Variants in SUPT5H observed in about 807,000 individuals in gnomAD.
The protein encoded by SUPT5H is SPT5 homolog, DSIF elongation factor subunit.
A neutral mutation model predicts 142.5 loss-of-function variants in SUPT5H; 24 were observed. The ratio of observed to expected loss-of-function variants is 0.17; its 90% confidence interval spans 0.12 to 0.24. The LOEUF is 0.24. Among genes scored for constraint, SUPT5H ranks in the 10% least tolerant of loss-of-function variants. The pLI is 1.00. For synonymous variants in SUPT5H, 546 were observed against 553.0 expected, an observed-to-expected ratio of 0.99 and a Z score of 0.18; for missense variants, 893 against 1,471.8, an observed-to-expected ratio of 0.61 and a Z score of 6.43.
chr19:39,449,776 A>C (rs2078997863), intron 2 of SUPT5H, among the ~76,000 whole-genome samples: 1 of 151,090 alleles, frequency 6.6e-6, no homozygotes, highest in African/African-American at 2.4e-5. Context: ...AGTAGCTGGG[A>C]TTACAGCGGT....
chr19:39,475,980 T>G, intron 28 of SUPT5H, 101 bp from the exon 29 acceptor site: 7 of 1,126,712 alleles, frequency 6.2e-6, no homozygotes, highest in South Asian at 1.5e-5. Flanking sequence ...CATTTCACCT[T>G]GAGTTCTCAG....
rs1351683829 is a variant in SUPT5H, at chr19:39,471,214, GCC to G, written c.1678-140_1678-139del. 8.0e-6 allele frequency: 8 copies of G among 993,992 alleles called. No homozygotes were observed. The East Asian group carries it at 2.1e-4, about 26-fold the overall frequency. The allele number at this position is 993,992 out of a possible 1,614,324, so 61.6% of individuals were successfully genotyped here. ...CTAAAGGGTGGCACTCTGCCTGCCT[GCC>G]CCGCAGCCAGGGAATTGAGATGCCT... On this transcript the variant is annotated intron_variant, in intron 18 of 29. Coordinates refer to ENST00000432763, the MANE Select transcript of SUPT5H (RefSeq NM_001111020.3).
chr19:39,445,629 G>C lies in SUPT5H; in HGVS notation c.-96G>C. 6 of 480,044 alleles carry C rather than the reference G, an allele frequency of 1.2e-5. 1 individual carries two copies. The South Asian group carries it at 1.7e-4, about 13-fold the overall frequency. The allele number at this position is 480,044 out of a possible 1,614,324, so 29.7% of individuals were successfully genotyped here. Reference sequence around the variant, plus strand: ...AGCTGGTACCGAAGGCGGAGGTGGAGCCCGAGAGGTAAGTGCGTGTGCAGA... The same window carrying C: ...AGCTGGTACCGAAGGCGGAGGTGGACCCCGAGAGGTAAGTGCGTGTGCAGA... On this transcript the variant is annotated 5_prime_UTR_variant, in exon 1 of 30. Coordinates refer to ENST00000432763, the MANE Select transcript of SUPT5H (RefSeq NM_001111020.3).
At chr19:39,452,053 T>G (rs1040987281) in intron 2 of SUPT5H, among the ~76,000 whole-genome samples, 3 of 152,090 alleles carry the variant, frequency 2.0e-5, no homozygotes, top group African/African-American at 7.2e-5. Context: ...TGGCCTAGGC[T>G]CAGATATATG....
intron 2 of SUPT5H, among the ~76,000 whole-genome samples, chr19:39,450,837 A>AGTT: frequency 6.6e-6 from 1 of 152,174 alleles, no homozygotes; most frequent in African/African-American, 2.4e-5. Context: ...TGTGTCTTGA[A>AGTT]CGCCTCTGGG....
Position 39,469,270 on chromosome 19 carries a change from C to T in SUPT5H, c.1246C>T (p.Arg416Trp), listed in dbSNP as rs370618161. 5.6e-6 allele frequency: 9 copies of T among 1,614,008 alleles called. No individual in the cohort carries two copies. Among genetic ancestry groups the T allele is most frequent in the African/African-American group, 1.3e-5 (1 of 74,906 alleles). Reference sequence around the variant, plus strand: ...TACGACTGCCCCTGCAGGGAAGGAGCGGGAGCACAACTTCCAACCTGGGGA... The same window carrying T: ...TACGACTGCCCCTGCAGGGAAGGAGTGGGAGCACAACTTCCAACCTGGGGA... ...EVVTESTGKE[R>W]EHNFQPGDNV... The change falls in exon 16 of 30, where the codon CGG (arginine) becomes TGG (tryptophan). Residue 416 changes from arginine to tryptophan, a missense_variant. Transcript: ENST00000432763. This position sits in a 1 kb window ranked among gnomAD's most constrained non-coding sequence, Gnocchi z 5.1.
At chr19:39,468,919 G>A in intron 14 of SUPT5H, 58 bp downstream of exon 14, 1 of 1,572,274 alleles carries the variant, frequency 6.4e-7, no homozygotes. Context: ...TCCTGCAGGT[G>A]ATGCCCTGGG....
chr19:39,470,236 A>G lies in SUPT5H; in HGVS notation c.1492A>G (p.Asn498Asp). 1.3e-6 allele frequency: 2 copies of G among 1,594,870 alleles called. No individual in the cohort carries two copies. The highest frequency in any genetic ancestry group is 1.7e-6 in the Non-Finnish European group (2 of 1,167,096). ...DTGLIVRVEE[N>D]FVILFSDLTM... ...AGGCCTCATTGTGCGGGTGGAGGAGAATTTCGTTATCCTGTTCTCTGACCT... is the reference window on the plus strand; with the variant it reads ...AGGCCTCATTGTGCGGGTGGAGGAGGATTTCGTTATCCTGTTCTCTGACCT... The change falls in exon 17 of 30, where the codon AAT (asparagine) becomes GAT (aspartate). Residue 498 changes from asparagine (N) to aspartate (D), a missense_variant. Around this residue, in one of 6 missense-constraint regions of SUPT5H, gnomAD observed 428 missense variants for 763.5 expected, o/e 0.56. Coordinates refer to ENST00000432763, the MANE Select transcript of SUPT5H (RefSeq NM_001111020.3). The surrounding 1 kb of genome is among the most constrained non-coding windows in gnomAD (Gnocchi z 5.8).
At position 39,469,032 on chromosome 19, in the gene SUPT5H, T is replaced by C. The variant is rs1302420245; in HGVS notation, c.1144-47T>C. On this transcript the variant is annotated intron_variant, in intron 14 of 29. Transcript: ENST00000432763. The surrounding 1 kb of genome is among the most constrained non-coding windows in gnomAD (Gnocchi z 5.1). ...AGCCCACTCAGCTGGGCTGTTGCAC[T>C]GACCTCGGTCCATTTCCTTCTCTTC... is the stretch of plus-strand genomic sequence containing the variant. The C allele has an allele frequency of 6.2e-7, 1 of 1,610,848 alleles. No homozygotes were observed. The highest frequency in any genetic ancestry group is 8.5e-7 in the Non-Finnish European group (1 of 1,178,048).
intron 19 of SUPT5H, 49 bp from the exon 20 acceptor site, chr19:39,471,556 G>C (rs372991352): frequency 1.2e-6 from 2 of 1,613,864 alleles, no homozygotes; most frequent in South Asian, 2.2e-5. Context: ...TGGTTGGTTG[G>C]GGGTGAGGGG....
rs943183856 is a variant in SUPT5H at position 39,449,404 on chromosome 19, G to A, written c.75+3439G>A. Among the ~76,000 whole-genome samples, 5 of 152,252 alleles carry A rather than the reference G, an allele frequency of 3.3e-5. No homozygotes were observed. In the South Asian group the frequency reaches 6.2e-4, roughly 19 times the overall value. ...TTGGGTTGTTAAAATGTGCTTCATCGTGGGCTAGTCGAGATTTGTGTTAAG... is the reference window on the plus strand; with the variant it reads ...TTGGGTTGTTAAAATGTGCTTCATCATGGGCTAGTCGAGATTTGTGTTAAG... On this transcript the variant is annotated intron_variant, in intron 2 of 29. Coordinates refer to ENST00000432763, the MANE Select transcript of SUPT5H (RefSeq NM_001111020.3).
rs1296220651 is a variant in SUPT5H at position 39,464,971 on chromosome 19, G to A, written c.798G>A (p.Val266=). 1.9e-5 allele frequency: 30 copies of A among 1,614,268 alleles called. No individual in the cohort carries two copies. The highest frequency in any genetic ancestry group is 2.5e-5 in the Non-Finnish European group (29 of 1,180,048). The change falls in exon 11 of 30, where the codon GTG becomes GTA. Residue 266 remains valine, a synonymous_variant. Coordinates refer to ENST00000432763, the MANE Select transcript of SUPT5H (RefSeq NM_001111020.3). ...AGGAGATGACAGACGTGCTCAAAGTGGTGAAGGAGGTGGCCAACCTGAAAC... is the reference window on the plus strand; with the variant it reads ...AGGAGATGACAGACGTGCTCAAAGTAGTGAAGGAGGTGGCCAACCTGAAAC... The part of the protein sequence containing the change: ...PIKEMTDVLK[V]VKEVANLKPK...
intron 10 of SUPT5H, among the ~76,000 whole-genome samples, chr19:39,461,211 A>T (rs1277305091): frequency 6.6e-6 from 1 of 151,706 alleles, no homozygotes; most frequent in African/African-American, 2.4e-5. Flanking sequence ...AATCACTTGA[A>T]TCTAGGAGGC....
Position 39,459,095 on chromosome 19 carries a change from G to A in SUPT5H, c.458+22G>A, listed in dbSNP as rs199506908. On this transcript the variant is annotated intron_variant, in intron 7 of 29. Transcript: ENST00000432763. ...AGACGTAAGGGCATGGTGGGGGCAGGTGGGGGCAGGGAGCAGGTGGTCCCT... is the reference window on the plus strand; with the variant it reads ...AGACGTAAGGGCATGGTGGGGGCAGATGGGGGCAGGGAGCAGGTGGTCCCT... 1.6e-4 allele frequency: 254 copies of A among 1,613,838 alleles called. 1 individual carries two copies. In the East Asian group the frequency reaches 5.6e-3, roughly 36 times the overall value.
intron 8 of SUPT5H, 102 bp downstream of exon 8, chr19:39,459,351 A>T: frequency 1.4e-6 from 2 of 1,441,536 alleles, no homozygotes; most frequent in Non-Finnish European, 1.9e-6. Context: ...GGGCAGAGTC[A>T]CACAGGCAGT....
chr19:39,458,478 GTT>G lies in SUPT5H; in HGVS notation c.319+174_319+175del. ...GAGTTCTGGGGCCAGGTATACCCCA[GTT>G]GTTGACCTGGGAAAGCACGGATGTG... On this transcript the variant is annotated intron_variant, in intron 5 of 29. Coordinates refer to ENST00000432763, the MANE Select transcript of SUPT5H (RefSeq NM_001111020.3). This position sits in a 1 kb window ranked among gnomAD's most constrained non-coding sequence, Gnocchi z 4.2. The G allele has an allele frequency of 8.3e-7, 1 of 1,209,908 alleles. No individual in the cohort carries two copies. Among genetic ancestry groups the G allele is most frequent in the Non-Finnish European group, 1.2e-6 (1 of 865,488 alleles). The allele number at this position is 1,209,908 out of a possible 1,614,324, so 74.9% of individuals were successfully genotyped here.
Position 39,472,634 on chromosome 19 carries a change from C to T in SUPT5H, c.2035+141C>T, listed in dbSNP as rs2079337516. On this transcript the variant is annotated intron_variant, in intron 21 of 29. Coordinates refer to ENST00000432763, the MANE Select transcript of SUPT5H (RefSeq NM_001111020.3). The surrounding 1 kb of genome is among the most constrained non-coding windows in gnomAD (Gnocchi z 4.2). ...TCACCACCCACAGGAGGGTAGACGC[C>T]ACAGTGACAGCCCAGAATGGTCAGG... The T allele has an allele frequency of 1.3e-5, 18 of 1,381,856 alleles. No homozygotes were observed. The South Asian group carries it at 2.4e-4, about 19-fold the overall frequency. 85.6% of individuals were successfully genotyped at this position (1,381,856 alleles called of 1,614,324 possible).
At chr19:39,475,827 T>A in intron 28 of SUPT5H, 1 of 512,912 alleles carries the variant, frequency 1.9e-6, no homozygotes, top group Non-Finnish European at 3.5e-6. Flanking sequence ...GTTTGGGACA[T>A]GAAGAGTCAA....
chr19:39,472,961 G>C lies in SUPT5H; in HGVS notation c.2155+32G>C. ...TGCGAGGCCTGTGGAGGCCTGGGGA[G>C]GGGCATGGTGAAGGAGAGCCTGCCC... On this transcript the variant is annotated intron_variant, in intron 22 of 29. Transcript: ENST00000432763. The surrounding 1 kb of genome is among the most constrained non-coding windows in gnomAD (Gnocchi z 4.2). 1 of 1,611,678 alleles carries C rather than the reference G, an allele frequency of 6.2e-7. No individual in the cohort carries two copies. Among genetic ancestry groups the C allele is most frequent in the Non-Finnish European group, 8.5e-7 (1 of 1,178,232 alleles).
Sources: allele counts gnomAD v4.1 joint callset (sites outside exome capture counted in the v4.1 genomes callset), GRCh38; gene constraint gnomAD v4.1.1; regional missense constraint gnomAD v4.1.1; non-coding constraint Gnocchi (gnomAD v3.1); transcripts MANE v1.5; gene names NCBI Gene and HGNC (gene_info 2026-07-23, HGNC 2026-07-21).